The following SHLD3 variants were observed in gnomAD, a reference collection of about 807,000 sequenced individuals.
The protein encoded by SHLD3 is REV7-interacting novel NHEJ regulator 1.
A neutral mutation model predicts 21.4 loss-of-function variants in SHLD3; 15 were observed. That is an observed-to-expected ratio of 0.70 (90% CI 0.47 to 1.08). The LOEUF is 1.08. Among genes scored for constraint, SHLD3 ranks in the 50% least tolerant of loss-of-function variants. The pLI, the probability that SHLD3 is intolerant of heterozygous loss-of-function variation, is 0.00. For synonymous variants in SHLD3, 103 were observed against 97.2 expected (o/e 1.06, Z -0.35); for missense variants, 273 against 286.1 (o/e 0.95, Z 0.33).
chr5:65,629,270 G>A (rs1256999347), intron 1 of SHLD3, among the ~76,000 whole-genome samples, 198 bp from the exon 2 acceptor site: 1 of 151,988 alleles, frequency 6.6e-6, no homozygotes, highest in Non-Finnish European at 1.5e-5. Flanking sequence ...GATTTTATAG[G>A]GCATCTAGTT....
chr5:65,630,096 C>A lies in SHLD3; in HGVS notation c.509C>A (p.Thr170Lys). The A allele has an allele frequency of 6.5e-7, 1 of 1,536,034 alleles. No individual in the cohort carries two copies. Among genetic ancestry groups the A allele is most frequent in the African/African-American group, 1.4e-5 (1 of 73,156 alleles). ...CACTCACTTTATAGAGCAAGATGGA[C>A]AATAGAACACACTATTTGTAACAGC... ...NLHSLYRARWTIEHTICNSQT... is the reference protein window; with the variant it reads ...NLHSLYRARWKIEHTICNSQT... The change falls in exon 2 of 2, where the codon ACA (threonine) becomes AAA (lysine). Residue 170 changes from threonine (T) to lysine (K), a missense_variant. Physicochemically the swap from Thr to Lys is moderately conservative, Grantham distance 78. Coordinates refer to ENST00000510585, the MANE Select transcript of SHLD3 (RefSeq NM_001365341.2).
rs1755157744 is a variant in SHLD3 at position 65,625,279 on chromosome 5, TG to T, written c.-121+176del. The T allele has an allele frequency of 8.1e-6, 5 of 617,736 alleles. No homozygotes were observed. The African/African-American group carries it at 9.3e-5, about 11-fold the overall frequency. The allele number at this position is 617,736 out of a possible 1,614,324, so 38.3% of individuals were successfully genotyped here. ...TTCTCCTGGATGCTTTTTAGGTTTA[TG>T]GGCCCCTTTCTAGAACGAAATAGAT... is the stretch of plus-strand genomic sequence containing the variant. On this transcript the variant is annotated intron_variant, in intron 1 of 1. Coordinates refer to ENST00000510585, the MANE Select transcript of SHLD3 (RefSeq NM_001365341.2).
intron 1 of SHLD3, 114 bp downstream of exon 1, chr5:65,625,220 C>T (rs896582133): frequency 4.4e-6 from 4 of 917,770 alleles, no homozygotes; most frequent in Non-Finnish European, 7.1e-6. Context: ...CGCCCTCCTG[C>T]TCTGTCCTTT....
chr5:65,629,355 G>A, intron 1 of SHLD3, 113 bp from the exon 2 acceptor site: 3 of 736,874 alleles, frequency 4.1e-6, no homozygotes, highest in Non-Finnish European at 5.6e-6. Context: ...TAGCACTTTG[G>A]TAAAATACCA....
Position 65,630,253 on chromosome 5 carries a change from T to C in SHLD3, c.666T>C (p.Tyr222=). 1 of 1,535,752 alleles carries C rather than the reference T, an allele frequency of 6.5e-7. No homozygotes were observed. The highest frequency in any genetic ancestry group is 1.2e-5 in the South Asian group (1 of 84,024). The change falls in exon 2 of 2, where the codon TAT becomes TAC. Residue 222 remains tyrosine (Y), a synonymous_variant. Coordinates refer to ENST00000510585, the MANE Select transcript of SHLD3 (RefSeq NM_001365341.2). ...WVFCDIMYCE[Y]VGSLLKGRLA... ...TCTGTGATATTATGTATTGTGAATA[T>C]GTGGGAAGTCTTCTTAAAGGAAGAT...
chr5:65,629,008 G>A (rs867743573), intron 1 of SHLD3, among the ~76,000 whole-genome samples: 11 of 151,954 alleles, frequency 7.2e-5, no homozygotes, highest in African/African-American at 2.4e-4. Context: ...TTTGAGTAGA[G>A]ATGGGTTTTC....
chr5:65,630,579 G>A lies in SHLD3; in HGVS notation c.*239G>A. ...TTCTGTTCCTTTTGTTACAAACTGTGATTGAATTAGTCATGAATTAAGTTG... is the reference window on the plus strand; with the variant it reads ...TTCTGTTCCTTTTGTTACAAACTGTAATTGAATTAGTCATGAATTAAGTTG... On this transcript the variant is annotated 3_prime_UTR_variant, in exon 2 of 2. Coordinates refer to ENST00000510585, the MANE Select transcript of SHLD3 (RefSeq NM_001365341.2). 8.6e-7 allele frequency: 1 copy of A among 1,158,070 alleles called. No individual in the cohort carries two copies. Among genetic ancestry groups the A allele is most frequent in the Non-Finnish European group, 1.1e-6 (1 of 940,644 alleles). 71.7% of individuals were successfully genotyped at this position (1,158,070 alleles called of 1,614,324 possible). A position where few individuals can be genotyped will look rare whatever the true frequency, so the allele number is the denominator to read the frequency against.
At chr5:65,627,089 G>A (rs566144508) in intron 1 of SHLD3, among the ~76,000 whole-genome samples, 7 of 123,748 alleles carry the variant, frequency 5.7e-5, no homozygotes, top group Admixed American at 3.1e-4. Flanking sequence ...CTGAGATTGC[G>A]CCACTGCACT....
rs1203334518 is a variant in SHLD3 at position 65,630,276 on chromosome 5, G to A, written c.689G>A (p.Arg230Lys). 4 of 1,534,700 alleles carry A rather than the reference G, an allele frequency of 2.6e-6. No homozygotes were observed. The highest frequency in any genetic ancestry group is 2.4e-5 in the South Asian group (2 of 83,906). The change falls in exon 2 of 2, where the codon AGA (arginine) becomes AAA (lysine). Residue 230 changes from arginine (R) to lysine (K), a missense_variant. Physicochemically the swap from Arg to Lys is conservative, Grantham distance 26. Transcript: ENST00000510585. ...CEYVGSLLKGRLALTGKINLF... is the reference protein window; with the variant it reads ...CEYVGSLLKGKLALTGKINLF... ...TATGTGGGAAGTCTTCTTAAAGGAAGATTAGCTCTTACTGGAAAAATTAAT... is the reference window on the plus strand; with the variant it reads ...TATGTGGGAAGTCTTCTTAAAGGAAAATTAGCTCTTACTGGAAAAATTAAT...
intron 1 of SHLD3, chr5:65,626,221 TATTA>T (rs896773941): frequency 1.3e-5 from 2 of 152,190 alleles, no homozygotes; most frequent in South Asian, 2.1e-4. Flanking sequence ...GTGGAGTAAA[TATTA>T]ATTCTCAGAG....
chr5:65,629,846 A>G lies in SHLD3; in HGVS notation c.259A>G (p.Thr87Ala). The G allele has an allele frequency of 6.5e-7, 1 of 1,536,050 alleles. No individual in the cohort carries two copies. Among genetic ancestry groups the G allele is most frequent in the Non-Finnish European group, 8.7e-7 (1 of 1,146,882 alleles). Residue 87 changes from threonine (T) to alanine (A), a missense_variant, in exon 2 of 2, where the codon ACA (threonine) becomes GCA (alanine). Coordinates refer to ENST00000510585, the MANE Select transcript of SHLD3 (RefSeq NM_001365341.2). ...TGCTAAGTCACACAGTTATGATTGC[A>G]CAGTAGATCTATTGGAGTTTCAACC... ...HDAKSHSYDC[T>A]VDLLEFQPSL...
rs1323680833 is a variant in SHLD3, at chr5:65,630,048, A to G, written c.461A>G (p.Asp154Gly). The G allele has an allele frequency of 9.8e-6, 15 of 1,536,106 alleles. No individual in the cohort carries two copies. The highest frequency in any genetic ancestry group is 1.2e-5 in the Non-Finnish European group (14 of 1,146,880). ...TCTCCTTTGTCTAAAAAATTGCAAG[A>G]TAGTTTAAAGGCACTAAATTTACAC... ...NVSPLSKKLQ[D>G]SLKALNLHSL... The change falls in exon 2 of 2, where the codon GAT becomes GGT. Residue 154 changes from aspartate (D) to glycine (G), a missense_variant. Coordinates refer to ENST00000510585, the MANE Select transcript of SHLD3 (RefSeq NM_001365341.2).
In SHLD3 at chr5:65,629,923, T is replaced by A. The variant is rs1177943619; in HGVS notation, c.336T>A (p.Thr112=). 2.0e-6 allele frequency: 3 copies of A among 1,535,984 alleles called. No individual in the cohort carries two copies. Residue 112 remains threonine (T), a synonymous_variant, in exon 2 of 2, where the codon ACT becomes ACA. Coordinates refer to ENST00000510585, the MANE Select transcript of SHLD3 (RefSeq NM_001365341.2). ...GGTCACACACACTGAAGGAACAGACTAATTCTGGAAATCTGGGTAAACAAT... is the reference window on the plus strand; with the variant it reads ...GGTCACACACACTGAAGGAACAGACAAATTCTGGAAATCTGGGTAAACAAT... ...LTWSHTLKEQ[T]NSGNLGKQSE...
intron 1 of SHLD3, 101 bp from the exon 2 acceptor site, chr5:65,629,367 A>C: frequency 1.2e-6 from 1 of 848,088 alleles, no homozygotes; most frequent in Non-Finnish European, 1.6e-6. Flanking sequence ...AAAATACCAC[A>C]TTGGGATTGG....
In SHLD3 at chr5:65,630,847, C is replaced by T. The variant is rs922631712; in HGVS notation, c.*507C>T. ...TACAAAATGTATACTTTGCCTAAAA[C>T]GATAATGTATCCTGTTTTGAAGGAA... On this transcript the variant is annotated 3_prime_UTR_variant, in exon 2 of 2. Coordinates refer to ENST00000510585, the MANE Select transcript of SHLD3 (RefSeq NM_001365341.2). 5.1e-5 allele frequency: 11 copies of T among 214,970 alleles called. No individual in the cohort carries two copies. Among genetic ancestry groups the T allele is most frequent in the African/African-American group, 1.2e-4 (5 of 42,674 alleles). The allele number at this position is 214,970 out of a possible 1,614,324, so 13.3% of individuals were successfully genotyped here. A position where few individuals can be genotyped will look rare whatever the true frequency, so the allele number is the denominator to read the frequency against.
At position 65,629,621 on chromosome 5, in the gene SHLD3, T is replaced by C; in HGVS notation, c.34T>C (p.Cys12Arg). The change falls in exon 2 of 2, where the codon TGT (cysteine) becomes CGT (arginine). Residue 12 changes from cysteine (C) to arginine (R), a missense_variant. Physicochemically the swap from Cys to Arg is radical, Grantham distance 180 (BLOSUM62 -3). Coordinates refer to ENST00000510585, the MANE Select transcript of SHLD3 (RefSeq NM_001365341.2). ...TTEVILHYRPCESDPTQLPKI... is the reference protein window; with the variant it reads ...TTEVILHYRPRESDPTQLPKI... ...AGAAGTAATATTACATTATCGACCA[T>C]GTGAGAGTGATCCCACACAACTGCC... The C allele has an allele frequency of 6.5e-7, 1 of 1,535,752 alleles. No homozygotes were observed. The highest frequency in any genetic ancestry group is 8.7e-7 in the Non-Finnish European group (1 of 1,146,706).
In SHLD3 at chr5:65,629,773, A is replaced by C. The variant is rs1018439541; in HGVS notation, c.186A>C (p.Glu62Asp). Residue 62 changes from glutamate to aspartate, a missense_variant, in exon 2 of 2, where the codon GAA becomes GAC. Transcript: ENST00000510585. ...RPKRSPPVISEEAAEDVKQYL... is the reference protein window; with the variant it reads ...RPKRSPPVISDEAAEDVKQYL... The stretch of plus-strand genomic sequence containing the variant: ...AAAGATCACCACCTGTGATTTCTGA[A>C]GAGGCAGCTGAAGATGTGAAACAGT... 3.9e-6 allele frequency: 6 copies of C among 1,536,120 alleles called. No homozygotes were observed. The highest frequency in any genetic ancestry group is 5.2e-6 in the Non-Finnish European group (6 of 1,146,892).
At chr5:65,626,023 C>T (rs1004492730) in intron 1 of SHLD3, 2 of 152,082 alleles carry the variant, frequency 1.3e-5, no homozygotes, top group Non-Finnish European at 2.9e-5. Flanking sequence ...CCTGTGTTAG[C>T]GAGATTGTCT....
At chr5:65,626,390 G>C (rs1037332169) in intron 1 of SHLD3, among the ~76,000 whole-genome samples, 1 of 152,160 alleles carries the variant, frequency 6.6e-6, no homozygotes, top group Non-Finnish European at 1.5e-5. Context: ...TGGGAATTTG[G>C]AACAGTTCTA....
Sources: gnomAD v4.1 joint callset for allele counts (sites outside exome capture counted in the v4.1 genomes callset) on GRCh38, gnomAD v4.1.1 for gene constraint, MANE v1.5 for transcripts, NCBI Gene and HGNC (gene_info 2026-07-23, HGNC 2026-07-21) for gene names.